Variants in PCDH15 observed in about 807,000 individuals in gnomAD.
PCDH15 encodes protocadherin related 15.
PCDH15 carries 129 observed loss-of-function variants against 178.5 expected under a neutral mutation model. The observed-to-expected ratio is 0.72, with a 90% CI of 0.63 to 0.84. PCDH15 has a LOEUF of 0.84. PCDH15 is among the 40% of genes least tolerant of loss of function. PCDH15 has a pLI of 0.00. For missense variants in PCDH15, 2,230 were observed against 2,099.9 expected (o/e 1.06, Z -1.21); for synonymous variants, 800 against 732.0 (o/e 1.09, Z -1.50).
chr10:54,327,325 C>G (rs11004238), intron 7 of PCDH15, among the ~76,000 whole-genome samples: 6,596 of 151,566 alleles, frequency 0.044, 423 homozygotes, highest in African/African-American at 0.15. Flanking sequence ...AGTGGCCCTC[C>G]CTAATACATT....
At chr10:53,930,512 C>T (rs2133973718) in intron 25 of PCDH15, among the ~76,000 whole-genome samples, 1 of 137,748 alleles carries the variant, frequency 7.3e-6, no homozygotes, top group East Asian at 2.5e-4. Flanking sequence ...TCACATTTGT[C>T]TTTCCTTTTG....
intron 9 of PCDH15, among the ~76,000 whole-genome samples, chr10:54,235,221 CA>C (rs2054505567): frequency 6.6e-6 from 1 of 152,178 alleles, no homozygotes; most frequent in Admixed American, 6.5e-5. Flanking sequence ...CGATTTTTCC[CA>C]TAGCATTCAC....
rs1017474994 is a variant in PCDH15, at chr10:54,854,044, G to A, written c.-29+43406C>T. On this transcript the variant is annotated intron_variant, in intron 3 of 5. Coordinates refer to the PCDH15 transcript ENST00000458638. Reference sequence around the variant, plus strand: ...AAAGGCGAGTCAGGCATAGAATGGCGAGGGGTGTGTGAGCAAGCATGGGAT... The same window carrying A: ...AAAGGCGAGTCAGGCATAGAATGGCAAGGGGTGTGTGAGCAAGCATGGGAT... Among the ~76,000 whole-genome samples the A allele has an allele frequency of 1.2e-4, 18 of 152,192 alleles. 1 individual carries two copies. The highest frequency in any genetic ancestry group is 5.2e-4 in the Admixed American group (8 of 15,272).
chr10:54,378,669 C>A (rs561905892), intron 4 of PCDH15, 113 bp downstream of exon 4: 2 of 1,215,968 alleles, frequency 1.6e-6, no homozygotes, highest in Non-Finnish European at 2.3e-6. Context: ...TGTTGCTATA[C>A]TCAGGAAATA....
intron 16 of PCDH15, among the ~76,000 whole-genome samples, chr10:54,085,587 A>G (rs1172760585): frequency 2.0e-5 from 3 of 152,190 alleles, no homozygotes; most frequent in Non-Finnish European, 4.4e-5. Flanking sequence ...AAGATACTAG[A>G]AAAATGCATT....
chr10:54,873,341 G>A (rs925495135), intron 3 of PCDH15, among the ~76,000 whole-genome samples: 5 of 151,764 alleles, frequency 3.3e-5, no homozygotes, highest in African/African-American at 1.2e-4. Flanking sequence ...ATATAGTTGG[G>A]TAAATTGTTA....
chr10:54,463,620 A>G (rs1299939106), intron 3 of PCDH15, among the ~76,000 whole-genome samples: 1 of 152,210 alleles, frequency 6.6e-6, no homozygotes, highest in Non-Finnish European at 1.5e-5. Flanking sequence ...GTACTGTCAG[A>G]GAGGTATAAA....
Position 54,170,621 on chromosome 10 carries a change from A to G in PCDH15, c.1590+12823T>C, listed in dbSNP as rs373803387. On this transcript the variant is annotated intron_variant, in intron 13 of 37. Transcript: ENST00000644397. ...CCCAGACTTCAATCCGGCCTCCCAC[A>G]TTATTCCTGATACCACACCTGACCC... is the stretch of plus-strand genomic sequence containing the variant. Among the ~76,000 whole-genome samples, 788 of 151,402 alleles carry G rather than the reference A, an allele frequency of 5.2e-3. 11 individuals carry two copies. Among genetic ancestry groups the G allele is most frequent in the African/African-American group, 0.015 (627 of 40,794 alleles).
chr10:55,392,979 A>ATG (rs10546546), intron 2 of PCDH15, among the ~76,000 whole-genome samples: 11,795 of 144,038 alleles, frequency 0.082, 544 homozygotes, highest in East Asian at 0.17. Context: ...ACTAAAGTGT[A>ATG]TGTGTGTGTG....
intron 2 of PCDH15, among the ~76,000 whole-genome samples, chr10:55,533,930 C>T (rs1404751666): frequency 6.6e-6 from 1 of 151,952 alleles, no homozygotes; most frequent in Non-Finnish European, 1.5e-5. Context: ...TAAAGCCTCA[C>T]AATTAAAACC....
At chr10:54,646,115 T>A (rs1193007241) in intron 2 of PCDH15, among the ~76,000 whole-genome samples, 4 of 152,178 alleles carry the variant, frequency 2.6e-5, no homozygotes, top group Non-Finnish European at 5.9e-5. Flanking sequence ...TTTGTTTATA[T>A]GAAACTATAA....
At chr10:54,471,862 G>C (rs2077941381) in intron 3 of PCDH15, among the ~76,000 whole-genome samples, 1 of 151,906 alleles carries the variant, frequency 6.6e-6, no homozygotes, top group Non-Finnish European at 1.5e-5. Context: ...TTTAAAATTA[G>C]AGCTGTATAT....
intron 1 of PCDH15, among the ~76,000 whole-genome samples, chr10:54,763,622 C>A (rs1948152158): frequency 1.3e-5 from 2 of 151,526 alleles, no homozygotes; most frequent in Non-Finnish European, 2.9e-5. Context: ...GAAATGTTCC[C>A]AAAACAAATA....
intron 3 of PCDH15, among the ~76,000 whole-genome samples, chr10:54,876,846 A>C (rs756912578): frequency 5.9e-5 from 9 of 152,206 alleles, no homozygotes; most frequent in Non-Finnish European, 1.2e-4. Flanking sequence ...TGAGAATATT[A>C]CATGTATTTA....
chr10:55,223,059 C>T (rs1840930727), intron 1 of PCDH15, among the ~76,000 whole-genome samples: 1 of 151,986 alleles, frequency 6.6e-6, no homozygotes, highest in East Asian at 1.9e-4. Flanking sequence ...GGTTTTATAC[C>T]TGTGCAGTCC....
chr10:54,566,509 C>T (rs1156869342), intron 2 of PCDH15, among the ~76,000 whole-genome samples: 1 of 152,166 alleles, frequency 6.6e-6, no homozygotes, highest in African/African-American at 2.4e-5. Context: ...TCCCTGACCA[C>T]AACCCCCTGA....
At position 54,440,158 on chromosome 10, in the gene PCDH15, T is replaced by C. The variant is rs111556375; in HGVS notation, c.158-61216A>G. On this transcript the variant is annotated intron_variant, in intron 3 of 37. Coordinates refer to ENST00000644397, the MANE Select transcript of PCDH15 (RefSeq NM_001384140.1). Reference sequence around the variant, plus strand: ...ATTAGCAACCAGATGTGGCAGAAAGTTGGCTGTTTTTCATTCACAACAAAA... The same window carrying C: ...ATTAGCAACCAGATGTGGCAGAAAGCTGGCTGTTTTTCATTCACAACAAAA... Among the ~76,000 whole-genome samples, 1,366 of 152,102 alleles carry C rather than the reference T, an allele frequency of 9.0e-3. 22 individuals are homozygous for C. The highest frequency in any genetic ancestry group is 0.031 in the African/African-American group (1,294 of 41,516).
At chr10:54,165,924 G>A (rs991670098) in intron 13 of PCDH15, among the ~76,000 whole-genome samples, 1 of 152,118 alleles carries the variant, frequency 6.6e-6, no homozygotes, top group African/African-American at 2.4e-5. Flanking sequence ...AGATGAGAGA[G>A]AAACCTATCT....
At chr10:54,145,864 GTCAT>G (rs912391492) in intron 14 of PCDH15, among the ~76,000 whole-genome samples, 2 of 151,992 alleles carry the variant, frequency 1.3e-5, no homozygotes, top group Admixed American at 1.3e-4. Context: ...AAAGTGCCAA[GTCAT>G]TCACAGTTCT....
Sources: allele counts gnomAD v4.1 joint callset (sites outside exome capture counted in the v4.1 genomes callset), GRCh38; gene constraint gnomAD v4.1.1; transcripts MANE v1.5; gene names NCBI Gene and HGNC (gene_info 2026-07-23, HGNC 2026-07-21).